NRG3: variants seen among roughly 807,000 people sequenced by gnomAD.
NRG3 encodes the protein pro-neuregulin-3, membrane-bound isoform.
A neutral mutation model predicts 66.9 loss-of-function variants in NRG3; 31 were observed. The ratio of observed to expected loss-of-function variants is 0.46; its 90% CI spans 0.35 to 0.63. The LOEUF is 0.63. Among genes scored for constraint, NRG3 ranks in the 20% least tolerant of loss-of-function variants. NRG3 has a pLI of 0.00. For missense variants in NRG3, 910 were observed against 878.9 expected (o/e 1.04, Z -0.45); for synonymous variants, 393 against 359.4 (o/e 1.09, Z -1.06).
chr10:82,179,916 A>G (rs1487969420), intron 1 of NRG3, among the ~76,000 whole-genome samples: 1 of 151,892 alleles, frequency 6.6e-6, no homozygotes, highest in Non-Finnish European at 1.5e-5. Flanking sequence ...AATTTCTTTC[A>G]GTAACATTTT....
In NRG3 at chr10:82,639,357, ACCTAATCACTT is replaced by A. The variant is rs1352421951; in HGVS notation, c.954-99217_954-99207del. ...TATTTATGAAAGCAGAGCTTTCATGACCTAATCACTTCCCAAGGCTCCACCTTTTAATACCA... is the reference window on the plus strand; with the variant it reads ...TATTTATGAAAGCAGAGCTTTCATGACCCAAGGCTCCACCTTTTAATACCA... On this transcript the variant is annotated intron_variant, in intron 2 of 8. Coordinates refer to ENST00000372141, the MANE Select transcript of NRG3 (RefSeq NM_001010848.4). Among the ~76,000 whole-genome samples, 13 of 152,232 alleles carry A rather than the reference ACCTAATCACTT, an allele frequency of 8.5e-5. No individual in the cohort carries two copies. In the East Asian group the frequency reaches 2.5e-3, roughly 30 times the overall value.
chr10:82,968,749 A>G (rs921834968), intron 6 of NRG3, among the ~76,000 whole-genome samples: 7 of 152,166 alleles, frequency 4.6e-5, no homozygotes, highest in Non-Finnish European at 8.8e-5. Context: ...ATGCTCCAGA[A>G]ATAGTTGGCT....
At chr10:82,106,095 C>T (rs912703299) in intron 1 of NRG3, among the ~76,000 whole-genome samples, 4 of 152,192 alleles carry the variant, frequency 2.6e-5, no homozygotes, top group African/African-American at 9.7e-5. Context: ...TTTAGACCTG[C>T]TGAGTCCAAG....
intron 3 of NRG3, among the ~76,000 whole-genome samples, chr10:82,846,842 AG>A (rs2063331120): frequency 6.6e-6 from 1 of 152,262 alleles, no homozygotes; most frequent in Admixed American, 6.5e-5. Flanking sequence ...AGAACCACAT[AG>A]AATATACAAA....
intron 1 of NRG3, among the ~76,000 whole-genome samples, chr10:82,295,359 G>A (rs1011021637): frequency 6.6e-6 from 1 of 152,168 alleles, no homozygotes; most frequent in Non-Finnish European, 1.5e-5. Context: ...TATAAGAGTG[G>A]CAGGTGCATT....
chr10:82,959,866 A>G (rs1850443853), intron 6 of NRG3, among the ~76,000 whole-genome samples: 1 of 152,226 alleles, frequency 6.6e-6, no homozygotes, highest in African/African-American at 2.4e-5. Flanking sequence ...ATATTGCAAA[A>G]CACTAAATTA....
chr10:82,332,555 G>A (rs1372514291), intron 1 of NRG3, among the ~76,000 whole-genome samples: 1 of 152,082 alleles, frequency 6.6e-6, no homozygotes, highest in African/African-American at 2.4e-5. Flanking sequence ...TTGCATACTT[G>A]TAATAATGGG....
intron 1 of NRG3, among the ~76,000 whole-genome samples, chr10:81,922,267 G>A (rs540047454): frequency 5.3e-4 from 80 of 152,090 alleles, no homozygotes; most frequent in Non-Finnish European, 6.5e-4. Context: ...ATAATGTTTT[G>A]TATTATTACA....
rs866417224 is a variant in NRG3, at chr10:82,916,679, T to A, written c.1055-34790T>A. Among the ~76,000 whole-genome samples, 15 of 151,728 alleles carry A rather than the reference T, an allele frequency of 9.9e-5. No homozygotes were observed. In the South Asian group the frequency reaches 2.5e-3, roughly 25 times the overall value. ...CCTTGCTTGGTCGCTCAGGCTGGAG[T>A]GCAGTGGTGCAATCTCAGCTCCGCC... On this transcript the variant is annotated intron_variant, in intron 4 of 8. Transcript: ENST00000372141.
chr10:82,361,245 C>T (rs1214876384), intron 2 of NRG3, among the ~76,000 whole-genome samples: 1 of 152,088 alleles, frequency 6.6e-6, no homozygotes, highest in African/African-American at 2.4e-5. Context: ...GGCCTTCTGT[C>T]TTCATATTTC....
intron 2 of NRG3, among the ~76,000 whole-genome samples, chr10:82,405,777 C>T (rs2087476034): frequency 6.6e-6 from 1 of 152,148 alleles, no homozygotes; most frequent in African/African-American, 2.4e-5. Flanking sequence ...CTGGAGTGAT[C>T]TCATTCTTTT....
chr10:81,992,573 C>A (rs1589712230), intron 1 of NRG3, among the ~76,000 whole-genome samples: 1 of 152,276 alleles, frequency 6.6e-6, no homozygotes, highest in South Asian at 2.1e-4. Context: ...CAAATGATTT[C>A]TTTGCATTAT....
intron 2 of NRG3, among the ~76,000 whole-genome samples, chr10:82,499,588 A>C (rs1192565850): frequency 6.6e-6 from 1 of 152,062 alleles, no homozygotes; most frequent in Non-Finnish European, 1.5e-5. Context: ...GTTTTTTCAA[A>C]TGGTCTCAAA....
chr10:82,170,823 C>T (rs1031206645), intron 1 of NRG3, among the ~76,000 whole-genome samples: 1 of 150,236 alleles, frequency 6.7e-6, no homozygotes, highest in African/African-American at 2.4e-5. Flanking sequence ...TGTGAGTTTC[C>T]ATATTTTTCT....
chr10:82,286,332 T>A (rs1464652223), intron 1 of NRG3, among the ~76,000 whole-genome samples: 1 of 152,126 alleles, frequency 6.6e-6, no homozygotes, highest in Non-Finnish European at 1.5e-5. Flanking sequence ...GTGGTGTGTG[T>A]GTATGTTGAC....
chr10:82,814,429 C>T (rs2135527149), intron 3 of NRG3, among the ~76,000 whole-genome samples: 1 of 152,158 alleles, frequency 6.6e-6, no homozygotes, highest in East Asian at 1.9e-4. Flanking sequence ...TGCTAATGCA[C>T]ATTCTAAAAC....
At chr10:82,216,460 A>ATATATGTGTGTGTG (rs1554851844) in intron 1 of NRG3, among the ~76,000 whole-genome samples, 36 of 146,412 alleles carry the variant, frequency 2.5e-4, no homozygotes, top group Middle Eastern at 7.1e-3. Context: ...TTTTATATAT[A>ATATATGTGTGTGTG]TGTGTGTGTG....
At chr10:82,834,141 G>A (rs2062663752) in intron 3 of NRG3, among the ~76,000 whole-genome samples, 2 of 152,242 alleles carry the variant, frequency 1.3e-5, no homozygotes, top group South Asian at 4.1e-4. Flanking sequence ...GATAGTGAAA[G>A]CTTTGCTATA....
chr10:82,330,783 A>G (rs2135267955), intron 1 of NRG3, among the ~76,000 whole-genome samples: 1 of 152,322 alleles, frequency 6.6e-6, no homozygotes, highest in South Asian at 2.1e-4. Context: ...ATAATAATAT[A>G]CACTGAGGTT....
Sources: allele counts gnomAD v4.1 joint callset (sites outside exome capture counted in the v4.1 genomes callset), GRCh38; gene constraint gnomAD v4.1.1; transcripts MANE v1.5; gene names NCBI Gene and HGNC (gene_info 2026-07-23, HGNC 2026-07-21).